The following PUM2 variants were observed in gnomAD, a reference collection of about 807,000 sequenced individuals.
PUM2 encodes pumilio homolog 2.
Under a neutral mutation model 124.5 loss-of-function variants are expected in PUM2, and 57 were observed. That is an observed-to-expected ratio of 0.46 (90% CI 0.37 to 0.57). The LOEUF is 0.57. Ranked by LOEUF, PUM2 falls within the 20% of genes least tolerant of loss-of-function variation. The probability of loss-of-function intolerance (pLI) is 0.00; values close to 1 mark genes in which losing one functional copy is unlikely to be tolerated. For synonymous variants in PUM2, 460 were observed against 446.1 expected (o/e 1.03, Z -0.39); for missense variants, 1,065 against 1,290.6 (o/e 0.83, Z 2.68).
At chr2:20,343,984 C>T (rs1687729027) in intron 1 of PUM2, among the ~76,000 whole-genome samples, 1 of 152,158 alleles carries the variant, frequency 6.6e-6, no homozygotes. Context: ...ATTATTGAGG[C>T]AACAGAGTTG....
chr2:20,309,358 A>G (rs2148559757), intron 5 of PUM2, among the ~76,000 whole-genome samples: 1 of 152,132 alleles, frequency 6.6e-6, no homozygotes, highest in South Asian at 2.1e-4. Flanking sequence ...TGAAACCATC[A>G]GAAAGAAATC....
chr2:20,326,332 G>C (rs1344001253), intron 2 of PUM2: 2 of 1,304,100 alleles, frequency 1.5e-6, no homozygotes, highest in East Asian at 5.5e-5. Context: ...GGGTTAGCTA[G>C]CTGCAGGGTG....
chr2:20,252,505 C>A (rs905235668), intron 20 of PUM2, among the ~76,000 whole-genome samples: 1 of 152,168 alleles, frequency 6.6e-6, no homozygotes, highest in Non-Finnish European at 1.5e-5. Context: ...CCTAAGATAT[C>A]ATTTTTCTCT....
chr2:20,348,896 C>CT (rs1467131662), intron 1 of PUM2, among the ~76,000 whole-genome samples: 1 of 152,242 alleles, frequency 6.6e-6, no homozygotes, highest in Non-Finnish European at 1.5e-5. Context: ...ACCACCTGCA[C>CT]TGCAGTCTGG....
chr2:20,271,163 T>C (rs1032839065), intron 13 of PUM2, among the ~76,000 whole-genome samples: 1 of 152,076 alleles, frequency 6.6e-6, no homozygotes, highest in African/African-American at 2.4e-5. Context: ...CAATATTGAA[T>C]AAGTAACAAT....
intron 16 of PUM2, among the ~76,000 whole-genome samples, chr2:20,256,396 T>C (rs1445503573): frequency 1.3e-5 from 2 of 152,148 alleles, no homozygotes; most frequent in Non-Finnish European, 2.9e-5. Context: ...CATTGAAAAG[T>C]GAAAATTACT....
intron 2 of PUM2, chr2:20,326,431 A>G (rs565626629): frequency 7.7e-7 from 1 of 1,303,214 alleles, no homozygotes; most frequent in Non-Finnish European, 1.0e-6. Context: ...GAAGGTCTCT[A>G]TTCTACCAAG....
intron 2 of PUM2, among the ~76,000 whole-genome samples, chr2:20,323,378 G>A (rs985521403): frequency 6.6e-6 from 1 of 151,058 alleles, no homozygotes; most frequent in African/African-American, 2.4e-5. Flanking sequence ...AACCTGGGAG[G>A]TGGAGATTGC....
At chr2:20,296,224 G>A (rs754222372) in intron 8 of PUM2, among the ~76,000 whole-genome samples, 4 of 152,084 alleles carry the variant, frequency 2.6e-5, no homozygotes, top group African/African-American at 7.2e-5. Context: ...GGCCGGGCGC[G>A]GTGGCTCACG....
At chr2:20,259,007 G>T (rs550068202) in intron 15 of PUM2, among the ~76,000 whole-genome samples, 19 of 152,124 alleles carry the variant, frequency 1.2e-4, no homozygotes, top group Non-Finnish European at 2.2e-4. Context: ...TTAGCCATAC[G>T]TTGACCACCA....
chr2:20,258,481 A>G (rs976503116), intron 15 of PUM2, 110 bp from the exon 16 acceptor site: 2 of 997,798 alleles, frequency 2.0e-6, no homozygotes, highest in African/African-American at 3.3e-5. Context: ...TATGTAGGGC[A>G]GGGGCTTTAA....
At chr2:20,252,344 G>A (rs1028179152) in intron 20 of PUM2, among the ~76,000 whole-genome samples, 2 of 152,196 alleles carry the variant, frequency 1.3e-5, no homozygotes, top group African/African-American at 4.8e-5. Context: ...CCAGGAAGTT[G>A]AGGCTAGAGT....
chr2:20,312,105 G>C, intron 4 of PUM2, 131 bp downstream of exon 4: 1 of 782,764 alleles, frequency 1.3e-6, no homozygotes, highest in East Asian at 2.7e-5. Context: ...CAGAAGAATA[G>C]CAATAATAGT....
At chr2:20,290,603 C>A in intron 10 of PUM2, 49 bp downstream of exon 10, 1 of 1,547,494 alleles carries the variant, frequency 6.5e-7, no homozygotes, top group South Asian at 1.3e-5. Context: ...AGTACCTACA[C>A]TTAACATCTG....
At chr2:20,289,164 GC>G (rs1018499702) in intron 10 of PUM2, among the ~76,000 whole-genome samples, 4 of 152,086 alleles carry the variant, frequency 2.6e-5, no homozygotes, top group African/African-American at 9.7e-5. Context: ...GGGTGTGGTG[GC>G]ACGTGCCTAA....
chr2:20,265,584 T>C (rs375128678), intron 13 of PUM2, among the ~76,000 whole-genome samples: 1 of 152,162 alleles, frequency 6.6e-6, no homozygotes, highest in African/African-American at 2.4e-5. Flanking sequence ...GCTTATCATT[T>C]CAATTTGGTT....
At position 20,292,706 on chromosome 2, in the gene PUM2, G is replaced by A. The variant is rs902647816; in HGVS notation, c.1152+1670C>T. Among the ~76,000 whole-genome samples, 24 of 152,094 alleles carry A rather than the reference G, an allele frequency of 1.6e-4. 1 individual carries two copies. In the South Asian group the frequency reaches 3.3e-3, roughly 21 times the overall value. On this transcript the variant is annotated intron_variant, in intron 9 of 20. Coordinates refer to ENST00000361078, the MANE Select transcript of PUM2 (RefSeq NM_015317.5). The stretch of plus-strand genomic sequence containing the variant: ...AGCACTTTGGGAGGCCAAGGCAGGC[G>A]GATCACCTGAGGTCGGGAGTTCAAG...
intron 4 of PUM2, 77 bp from the exon 5 acceptor site, chr2:20,311,740 T>TAC: frequency 7.5e-7 from 1 of 1,333,482 alleles, no homozygotes; most frequent in East Asian, 2.4e-5. Flanking sequence ...GACCTAACAC[T>TAC]ACACTACAGT....
At chr2:20,317,423 T>G (rs1386006043) in intron 3 of PUM2, among the ~76,000 whole-genome samples, 2 of 152,204 alleles carry the variant, frequency 1.3e-5, no homozygotes, top group African/African-American at 4.8e-5. Flanking sequence ...GTGGCAAATA[T>G]CTAATAAAGC....
Sources: gnomAD v4.1 joint callset for allele counts (sites outside exome capture counted in the v4.1 genomes callset) on GRCh38, gnomAD v4.1.1 for gene constraint, MANE v1.5 for transcripts, NCBI Gene and HGNC (gene_info 2026-07-23, HGNC 2026-07-21) for gene names.